Variants in TESK2 observed in about 807,000 individuals in gnomAD.
TESK2 encodes the protein testis associated actin remodelling kinase 2, also known as dual specificity testis-specific protein kinase 2.
TESK2 carries 39 observed loss-of-function variants against 57.1 expected under a neutral mutation model. That is an observed-to-expected ratio of 0.68 (90% CI 0.53 to 0.89). TESK2 has a LOEUF of 0.89. Among genes scored for constraint, TESK2 ranks in the 40% least tolerant of loss-of-function variants. The pLI, the probability that TESK2 is intolerant of heterozygous loss-of-function variation, is 0.00. For missense variants in TESK2, 646 were observed against 732.1 expected (o/e 0.88, Z 1.36); for synonymous variants, 249 against 267.9 (o/e 0.93, Z 0.69).
chr1:45,448,821 A>G (rs1651749907), intron 2 of TESK2, among the ~76,000 whole-genome samples: 5 of 152,176 alleles, frequency 3.3e-5, no homozygotes, highest in Admixed American at 3.3e-4. Context: ...AATTAAAATA[A>G]CAATGAGATA....
intron 2 of TESK2, among the ~76,000 whole-genome samples, chr1:45,428,139 G>A (rs61788260): frequency 0.047 from 7,149 of 151,996 alleles, 235 homozygotes; most frequent in Non-Finnish European, 0.069. Flanking sequence ...TACATACTAG[G>A]TACTGCTGTA....
At chr1:45,456,306 G>A (rs1364318459) in intron 2 of TESK2, among the ~76,000 whole-genome samples, 1 of 152,112 alleles carries the variant, frequency 6.6e-6, no homozygotes, top group Admixed American at 6.6e-5. Flanking sequence ...ATCACTTGAG[G>A]TCAGGAGTTC....
chr1:45,419,565 G>A (rs886846449), intron 3 of TESK2, among the ~76,000 whole-genome samples: 6 of 151,704 alleles, frequency 4.0e-5, no homozygotes, highest in African/African-American at 1.2e-4. Context: ...CAGCACTTTG[G>A]GAGGCCGAAG....
chr1:45,473,282 G>A (rs1213042938), intron 1 of TESK2, among the ~76,000 whole-genome samples: 1 of 152,036 alleles, frequency 6.6e-6, no homozygotes, highest in African/African-American at 2.4e-5. Context: ...GGTGAAAGCA[G>A]GTAAGTGGTC....
At chr1:45,489,987 T>C (rs1370771313) in intron 1 of TESK2, among the ~76,000 whole-genome samples, 2 of 152,216 alleles carry the variant, frequency 1.3e-5, no homozygotes, top group South Asian at 4.1e-4. Flanking sequence ...AGAAACTTTC[T>C]ACTATTCTTC....
intron 5 of TESK2, among the ~76,000 whole-genome samples, chr1:45,354,955 G>A (rs1318985547): frequency 2.6e-5 from 4 of 151,250 alleles, no homozygotes; most frequent in African/African-American, 9.7e-5. Flanking sequence ...AGGCCAAGGC[G>A]GGTGGATTGT....
intron 3 of TESK2, among the ~76,000 whole-genome samples, chr1:45,419,505 T>C (rs1212795151): frequency 6.6e-6 from 1 of 152,076 alleles, no homozygotes; most frequent in Non-Finnish European, 1.5e-5. Flanking sequence ...TAGTAGATGC[T>C]CAAAAAATGT....
chr1:45,407,654 G>A (rs539737293), intron 3 of TESK2, among the ~76,000 whole-genome samples: 1 of 152,194 alleles, frequency 6.6e-6, no homozygotes, highest in South Asian at 2.1e-4. Flanking sequence ...TTTTATAAAG[G>A]GGAGTTCCCC....
chr1:45,387,270 C>T (rs1484513468), intron 3 of TESK2, among the ~76,000 whole-genome samples: 1 of 152,090 alleles, frequency 6.6e-6, no homozygotes, highest in Non-Finnish European at 1.5e-5. Flanking sequence ...TACACACAGA[C>T]ACAAAGTCAC....
intron 1 of TESK2, among the ~76,000 whole-genome samples, chr1:45,458,215 A>G (rs2149300223): frequency 6.6e-6 from 1 of 152,342 alleles, no homozygotes; most frequent in East Asian, 1.9e-4. Context: ...TCCATGATAT[A>G]AGGATTATTA....
Position 45,344,293 on chromosome 1 carries a change from T to C in TESK2, c.*547A>G, listed in dbSNP as rs1372126075. 6.3e-6 allele frequency: 1 copy of C among 157,830 alleles called. No homozygotes were observed. Among genetic ancestry groups the C allele is most frequent in the Non-Finnish European group, 1.4e-5 (1 of 71,256 alleles). 9.8% of individuals were successfully genotyped at this position (157,830 alleles called of 1,614,324 possible). A position where few individuals can be genotyped will look rare whatever the true frequency, so the allele number is the denominator to read the frequency against. ...CCATGACCACCACGCTGCCTTGCTG[T>C]CCCCTTGCATAGAAATGTAGTGACG... On this transcript the variant is annotated 3_prime_UTR_variant, in exon 11 of 11. Transcript: ENST00000372086.
At chr1:45,417,628 G>A (rs1650296577) in intron 3 of TESK2, among the ~76,000 whole-genome samples, 1 of 151,260 alleles carries the variant, frequency 6.6e-6, no homozygotes, top group African/African-American at 2.4e-5. Context: ...GTCTCGCTCT[G>A]TCGCCTGGGC....
intron 5 of TESK2, 151 bp downstream of exon 5, chr1:45,355,152 A>C: frequency 9.6e-7 from 1 of 1,042,262 alleles, no homozygotes. Context: ...TGCCTCAAAA[A>C]CAGAAGGAAA....
chr1:45,369,823 T>C (rs368502219), intron 4 of TESK2, among the ~76,000 whole-genome samples: 13 of 152,006 alleles, frequency 8.6e-5, no homozygotes, highest in Non-Finnish European at 1.3e-4. Flanking sequence ...GCAATTCTCC[T>C]GCCTCAACCT....
At chr1:45,389,356 T>C (rs1185374163) in intron 3 of TESK2, among the ~76,000 whole-genome samples, 1 of 152,108 alleles carries the variant, frequency 6.6e-6, no homozygotes, top group African/African-American at 2.4e-5. Flanking sequence ...GAGGCTGCAG[T>C]GAGCTGAGAT....
chr1:45,364,336 A>G (rs1427492637), intron 4 of TESK2, among the ~76,000 whole-genome samples: 3 of 152,224 alleles, frequency 2.0e-5, no homozygotes, highest in Non-Finnish European at 4.4e-5. Context: ...CAAGAGATAT[A>G]GGCACACAGG....
rs1219523303 is a variant in TESK2 at position 45,345,914 on chromosome 1, CTCT to C, written c.957_959del (p.Glu320del). 6 of 1,614,012 alleles carry C rather than the reference CTCT, an allele frequency of 3.7e-6. No homozygotes were observed. Among genetic ancestry groups the C allele is most frequent in the Admixed American group, 1.7e-5 (1 of 59,996 alleles). ...GCTGCAGCTTCCTATCCCTCTCCTG[CTCT>C]TCTTCCTGTAGGCGGCTCAGAATTT... On this transcript the variant is annotated inframe_deletion, in exon 10 of 11. Transcript: ENST00000372086.
chr1:45,457,526 C>A, intron 2 of TESK2, 38 bp downstream of exon 2: 1 of 1,591,570 alleles, frequency 6.3e-7, no homozygotes, highest in Non-Finnish European at 8.6e-7. Flanking sequence ...AATGTGACCA[C>A]AGCAAGACAA....
intron 3 of TESK2, among the ~76,000 whole-genome samples, chr1:45,386,828 A>C (rs1648919635): frequency 6.6e-6 from 1 of 151,914 alleles, no homozygotes; most frequent in South Asian, 2.1e-4. Flanking sequence ...TAATTTTTGT[A>C]TTTTTAGTAG....
Sources: gnomAD v4.1 joint callset for allele counts (sites outside exome capture counted in the v4.1 genomes callset) on GRCh38, gnomAD v4.1.1 for gene constraint, MANE v1.5 for transcripts, NCBI Gene and HGNC (gene_info 2026-07-23, HGNC 2026-07-21) for gene names.